IL1RAP: variants seen among roughly 807,000 people sequenced by gnomAD.
IL1RAP encodes interleukin-1 receptor accessory protein.
A neutral mutation model predicts 60.7 loss-of-function variants in IL1RAP; 35 were observed. The ratio of observed to expected loss-of-function variants is 0.58; its 90% confidence interval spans 0.44 to 0.76. IL1RAP has a LOEUF of 0.76. Ranked by LOEUF, IL1RAP falls within the 30% of genes least tolerant of loss-of-function variation. The pLI is 0.00. For missense variants in IL1RAP, 572 were observed against 693.9 expected (o/e 0.82, Z 1.97); for synonymous variants, 268 against 250.9 (o/e 1.07, Z -0.64).
exon 12 of IL1RAP, chr3:190,658,520 T>C (rs570090958): frequency 6.6e-6 from 1 of 152,356 alleles, no homozygotes; most frequent in South Asian, 2.1e-4. Context: ...TAGAGGTTTC[T>C]TGCCTGCTTA....
chr3:190,549,885 C>T (rs1724711407), intron 1 of IL1RAP, among the ~76,000 whole-genome samples: 1 of 152,126 alleles, frequency 6.6e-6, no homozygotes, highest in Non-Finnish European at 1.5e-5. Context: ...TCCAGGGGTT[C>T]AGGATGCATT....
intron 3 of IL1RAP, among the ~76,000 whole-genome samples, chr3:190,592,273 C>T (rs895468835): frequency 6.6e-6 from 1 of 152,182 alleles, no homozygotes; most frequent in Non-Finnish European, 1.5e-5. Flanking sequence ...CCTGCCTTGG[C>T]CCAGAATTCA....
Position 190,645,774 on chromosome 3 carries a change from G to T in IL1RAP, c.1277G>T (p.Arg426Leu). ...GAAGAATTTGTATTACTGACCCTCC[G>T]TGGAGTTTTGGAGAATGAATTTGGA... ...EEEEFVLLTLRGVLENEFGYK... is the reference protein window; with the variant it reads ...EEEEFVLLTLLGVLENEFGYK... The change falls in exon 11 of 12, where the codon CGT becomes CTT. Residue 426 changes from arginine (R) to leucine (L), a missense_variant. Transcript: ENST00000447382. 1 of 1,613,332 alleles carries T rather than the reference G, an allele frequency of 6.2e-7. No homozygotes were observed. Among genetic ancestry groups the T allele is most frequent in the Non-Finnish European group, 8.5e-7 (1 of 1,179,354 alleles).
exon 12 of IL1RAP, chr3:190,656,741 A>G (rs1475433320): frequency 3.3e-6 from 2 of 614,256 alleles, no homozygotes; most frequent in Non-Finnish European, 5.4e-6. Context: ...TTTAAAAACT[A>G]TTTATTTCTA....
rs746181729 is a variant in IL1RAP at position 190,629,475 on chromosome 3, A to G, written c.1028A>G (p.Lys343Arg). ...AGAAGTGCCAAAGGCGAAGTTGCCAAAGCAGCCAAGGTGAAGCAGAAAGGT... is the reference window on the plus strand; with the variant it reads ...AGAAGTGCCAAAGGCGAAGTTGCCAGAGCAGCCAAGGTGAAGCAGAAAGGT... ...HARSAKGEVA[K>R]AAKVKQKVPA... The change falls in exon 9 of 12, where the codon AAA (lysine) becomes AGA (arginine). Residue 343 changes from lysine (K) to arginine (R), a missense_variant. Lys to Arg is a conservative substitution (Grantham distance 26). Coordinates refer to ENST00000447382, the MANE Select transcript of IL1RAP (RefSeq NM_002182.4). The G allele has an allele frequency of 6.2e-7, 1 of 1,613,328 alleles. No individual in the cohort carries two copies. Among genetic ancestry groups the G allele is most frequent in the South Asian group, 1.1e-5 (1 of 90,950 alleles).
downstream of IL1RAP, among the ~76,000 whole-genome samples, chr3:190,654,190 T>TCTCACACACA (rs1553854858): frequency 5.0e-5 from 7 of 140,512 alleles, no homozygotes; most frequent in South Asian, 9.8e-4. Flanking sequence ...AAACATCATA[T>TCTCACACACA]CACACACACA....
chr3:190,547,192 C>T (rs915420971), intron 1 of IL1RAP, among the ~76,000 whole-genome samples: 1 of 152,132 alleles, frequency 6.6e-6, no homozygotes, highest in African/African-American at 2.4e-5. Context: ...CCAGCTCATT[C>T]GCATTCTGAT....
intron 1 of IL1RAP, among the ~76,000 whole-genome samples, chr3:190,515,675 T>C (rs1230830243): frequency 6.6e-5 from 10 of 152,100 alleles, no homozygotes; most frequent in Non-Finnish European, 1.3e-4. Flanking sequence ...ACATCCTTTA[T>C]TGACAAAGAG....
intron 1 of IL1RAP, among the ~76,000 whole-genome samples, chr3:190,528,185 G>C (rs1002513992): frequency 2.0e-5 from 3 of 152,142 alleles, no homozygotes; most frequent in Non-Finnish European, 4.4e-5. Context: ...AATGGTCCCA[G>C]ACTGATATAC....
At chr3:190,574,046 A>C (rs1243846636) in intron 3 of IL1RAP, among the ~76,000 whole-genome samples, 1 of 152,190 alleles carries the variant, frequency 6.6e-6, no homozygotes, top group Non-Finnish European at 1.5e-5. Flanking sequence ...CTTTGACTTT[A>C]AGATGCACTG....
chr3:190,535,949 T>C (rs1295638947), intron 1 of IL1RAP, among the ~76,000 whole-genome samples: 2 of 152,236 alleles, frequency 1.3e-5, no homozygotes, highest in Non-Finnish European at 2.9e-5. Context: ...ATAGCAAAGA[T>C]CCTGAGAAAT....
chr3:190,605,574 G>T (rs1227226424), intron 4 of IL1RAP, among the ~76,000 whole-genome samples: 1 of 152,072 alleles, frequency 6.6e-6, no homozygotes, highest in Non-Finnish European at 1.5e-5. Context: ...AAATACCACA[G>T]TGTGGGTGAC....
At chr3:190,527,226 T>C (rs1358001185) in intron 1 of IL1RAP, among the ~76,000 whole-genome samples, 1 of 152,250 alleles carries the variant, frequency 6.6e-6, no homozygotes, top group Non-Finnish European at 1.5e-5. Flanking sequence ...GGACCTAATA[T>C]TGATCCTGTG....
At chr3:190,579,246 T>C (rs1175000411) in intron 3 of IL1RAP, among the ~76,000 whole-genome samples, 1 of 152,222 alleles carries the variant, frequency 6.6e-6, no homozygotes, top group East Asian at 1.9e-4. Flanking sequence ...TCTTCATTTC[T>C]CTATGCAATA....
chr3:190,606,811 G>T (rs1482067522), intron 4 of IL1RAP, among the ~76,000 whole-genome samples: 2 of 152,066 alleles, frequency 1.3e-5, no homozygotes, highest in African/African-American at 4.8e-5. Flanking sequence ...ACTGAAACAT[G>T]TAGAACCATA....
chr3:190,648,066 G>A (rs1490528019), intron 11 of IL1RAP, among the ~76,000 whole-genome samples: 2 of 152,110 alleles, frequency 1.3e-5, no homozygotes, highest in East Asian at 3.9e-4. Flanking sequence ...GAAGATCAAG[G>A]TCACAACACT....
chr3:190,575,621 A>G (rs565906620), intron 3 of IL1RAP, among the ~76,000 whole-genome samples: 103 of 152,358 alleles, frequency 6.8e-4, no homozygotes, highest in Middle Eastern at 3.4e-3. Flanking sequence ...ATGGGGAAAG[A>G]AACATGCGAC....
At chr3:190,567,662 T>A in intron 3 of IL1RAP, among the ~76,000 whole-genome samples, 1 of 152,184 alleles carries the variant, frequency 6.6e-6, no homozygotes, top group Non-Finnish European at 1.5e-5. Context: ...GGATCACAGG[T>A]AATCATTTTG....
chr3:190,600,083 T>G (rs1054520713), intron 3 of IL1RAP, among the ~76,000 whole-genome samples: 12 of 152,184 alleles, frequency 7.9e-5, no homozygotes, highest in African/African-American at 2.9e-4. Flanking sequence ...TCAGATGATC[T>G]GCTCAGATTT....
Sources: allele counts gnomAD v4.1 joint callset (sites outside exome capture counted in the v4.1 genomes callset), GRCh38; gene constraint gnomAD v4.1.1; transcripts MANE v1.5; gene names NCBI Gene and HGNC (gene_info 2026-07-23, HGNC 2026-07-21).